SPAG16: variants seen among roughly 807,000 people sequenced by gnomAD.
SPAG16 encodes sperm associated antigen 16.
In SPAG16, 86 loss-of-function variants were observed where a neutral mutation model predicts 80.4. That is an observed-to-expected ratio of 1.07 (90% CI 0.90 to 1.28). The LOEUF (loss-of-function observed/expected upper bound fraction) is 1.28. Among genes scored for constraint, SPAG16 ranks in the 50% most tolerant of loss-of-function variants. SPAG16 has a pLI of 0.00. For missense variants in SPAG16, 870 were observed against 765.3 expected (o/e 1.14, Z -1.61); for synonymous variants, 294 against 265.9 (o/e 1.11, Z -1.03).
At chr2:214,000,982 A>G (rs1449367067) in intron 12 of SPAG16, among the ~76,000 whole-genome samples, 8 of 152,186 alleles carry the variant, frequency 5.3e-5, no homozygotes, top group Non-Finnish European at 1.2e-4. Context: ...TGCCTTTGTC[A>G]TTAACTTTTC....
At chr2:214,282,388 A>G (rs1559179491) in intron 15 of SPAG16, among the ~76,000 whole-genome samples, 1 of 152,110 alleles carries the variant, frequency 6.6e-6, no homozygotes, top group Non-Finnish European at 1.5e-5. Flanking sequence ...ACACTAGTGG[A>G]TTTTGTTCCT....
At chr2:213,872,748 TGAA>T (rs936528120) in intron 11 of SPAG16, among the ~76,000 whole-genome samples, 25 of 152,238 alleles carry the variant, frequency 1.6e-4, no homozygotes, top group African/African-American at 6.0e-4. Context: ...TTTATTAGGT[TGAA>T]GAAGTTTATT....
At chr2:214,012,288 A>ATATATTTTTTTTTTT (rs1553694500) in intron 12 of SPAG16, among the ~76,000 whole-genome samples, 5 of 46,806 alleles carry the variant, frequency 1.1e-4, no homozygotes, top group Non-Finnish European at 1.3e-4. Flanking sequence ...ATATATATAT[A>ATATATTTTTTTTTTT]TTTTTTTTTT....
At chr2:214,077,175 A>G (rs1030143) in intron 13 of SPAG16, among the ~76,000 whole-genome samples, 26,823 of 152,192 alleles carry the variant, frequency 0.18, 2,606 homozygotes, top group Admixed American at 0.2. Context: ...TTTATTAATA[A>G]TAACAGGCAA....
At chr2:214,072,861 A>G (rs1481871277) in intron 13 of SPAG16, among the ~76,000 whole-genome samples, 1 of 152,104 alleles carries the variant, frequency 6.6e-6, no homozygotes, top group African/African-American at 2.4e-5. Context: ...TTAAAACCCA[A>G]CTTGGATTTA....
chr2:213,957,494 T>G (rs1313530546), intron 12 of SPAG16, among the ~76,000 whole-genome samples: 2 of 152,118 alleles, frequency 1.3e-5, no homozygotes, highest in Non-Finnish European at 2.9e-5. Context: ...ATTTTGGATC[T>G]AAACTGAATC....
chr2:214,092,596 T>A (rs28385494), intron 13 of SPAG16, among the ~76,000 whole-genome samples: 14,190 of 151,790 alleles, frequency 0.093, 827 homozygotes, highest in East Asian at 0.28. Flanking sequence ...GTTACCTTAT[T>A]TATTGTATCT....
At chr2:213,535,349 C>A (rs566228612) in intron 10 of SPAG16, among the ~76,000 whole-genome samples, 2 of 151,842 alleles carry the variant, frequency 1.3e-5, no homozygotes, top group Non-Finnish European at 2.9e-5. Flanking sequence ...TGTTCAAGAA[C>A]CTAAAAGAAA....
intron 10 of SPAG16, among the ~76,000 whole-genome samples, chr2:213,682,007 G>A (rs2064414034): frequency 6.6e-6 from 1 of 152,098 alleles, no homozygotes; most frequent in Admixed American, 6.5e-5. Flanking sequence ...GGCACCTTTA[G>A]GGATCCTGTA....
chr2:213,602,528 G>A (rs1277381239), intron 10 of SPAG16, among the ~76,000 whole-genome samples: 1 of 152,004 alleles, frequency 6.6e-6, no homozygotes, highest in African/African-American at 2.4e-5. Context: ...CAGCTACTCG[G>A]GAGGCTGAGA....
chr2:213,442,642 C>G (rs1683903271), intron 9 of SPAG16, among the ~76,000 whole-genome samples: 1 of 151,850 alleles, frequency 6.6e-6, no homozygotes, highest in African/African-American at 2.4e-5. Flanking sequence ...TGATATTTGA[C>G]AAAGGAGAAA....
intron 15 of SPAG16, among the ~76,000 whole-genome samples, chr2:214,319,221 CACAA>C (rs1376043888): frequency 6.6e-6 from 1 of 151,598 alleles, no homozygotes; most frequent in African/African-American, 2.4e-5. Context: ...CACACACACA[CACAA>C]GAAGTGTAGA....
intron 14 of SPAG16, among the ~76,000 whole-genome samples, chr2:214,117,455 A>G (rs563029139): frequency 7.2e-5 from 11 of 152,300 alleles, no homozygotes; most frequent in African/African-American, 2.6e-4. Context: ...TTCTCAAACT[A>G]TTCCAAAAAC....
At chr2:213,980,967 A>G (rs977365591) in intron 12 of SPAG16, among the ~76,000 whole-genome samples, 1 of 151,984 alleles carries the variant, frequency 6.6e-6, no homozygotes, top group African/African-American at 2.4e-5. Flanking sequence ...GTCTTCCTGT[A>G]TTAGACTGTT....
At chr2:214,077,523 C>T (rs1033892332) in intron 13 of SPAG16, among the ~76,000 whole-genome samples, 5 of 152,232 alleles carry the variant, frequency 3.3e-5, no homozygotes, top group African/African-American at 2.4e-5. Flanking sequence ...TTTCCCAGCA[C>T]TGCTGTCTCC....
At chr2:213,531,946 T>TA (rs1049914862) in intron 10 of SPAG16, among the ~76,000 whole-genome samples, 1 of 152,186 alleles carries the variant, frequency 6.6e-6, no homozygotes, top group Non-Finnish European at 1.5e-5. Context: ...TGTACAGAGT[T>TA]ACGTTTTTTA....
At chr2:213,645,600 T>C (rs7581348) in intron 10 of SPAG16, among the ~76,000 whole-genome samples, 62,637 of 151,920 alleles carry the variant, frequency 0.41, 13,472 homozygotes, top group Middle Eastern at 0.51. Flanking sequence ...CCCTATCCTA[T>C]TGTGTCTGAC....
intron 15 of SPAG16, among the ~76,000 whole-genome samples, chr2:214,346,029 G>A (rs1203916403): frequency 3.9e-5 from 6 of 152,146 alleles, no homozygotes; most frequent in Non-Finnish European, 8.8e-5. Context: ...TCACAAACAT[G>A]TAAATGCATA....
Position 213,375,061 on chromosome 2 carries a change from G to T in SPAG16, c.884G>T (p.Gly295Val). 1.2e-6 allele frequency: 2 copies of T among 1,610,988 alleles called. No homozygotes were observed. The highest frequency in any genetic ancestry group is 1.7e-6 in the Non-Finnish European group (2 of 1,178,710). ...GCACCAGAAGGTCCTACTCAGAAAG[G>T]TCTTCGTGAAGCCAGGGAACAAAAC... ...ENAPEGPTQK[G>V]LREAREQNKC... The change falls in exon 9 of 16, where the codon GGT becomes GTT. Residue 295 changes from glycine to valine, a missense_variant. Coordinates refer to ENST00000331683, the MANE Select transcript of SPAG16 (RefSeq NM_024532.5).
Sources: gnomAD v4.1 joint callset for allele counts (sites outside exome capture counted in the v4.1 genomes callset) on GRCh38, gnomAD v4.1.1 for gene constraint, MANE v1.5 for transcripts, NCBI Gene and HGNC (gene_info 2026-07-23, HGNC 2026-07-21) for gene names.